Variants in WNT7A observed in about 807,000 individuals in gnomAD.
The protein encoded by WNT7A is protein Wnt-7a.
A neutral mutation model predicts 28.2 loss-of-function variants in WNT7A; 16 were observed. The ratio of observed to expected loss-of-function variants is 0.57; its 90% CI spans 0.38 to 0.86. WNT7A has a LOEUF of 0.86. WNT7A is among the 40% of genes least tolerant of loss of function. WNT7A has a pLI of 0.00. For missense variants in WNT7A, 411 were observed against 489.7 expected (o/e 0.84, Z 1.52); for synonymous variants, 190 against 195.9 (o/e 0.97, Z 0.25).
rs539106418 is a variant in WNT7A at position 13,875,138 on chromosome 3, A to C, written c.107T>G (p.Ile36Ser). The change falls in exon 2 of 4, where the codon ATC (isoleucine) becomes AGC (serine). Residue 36 changes from isoleucine (I) to serine (S), a missense_variant. Transcript: ENST00000285018. ...FSSVVALGAS[I>S]ICNKIPGLAP... ...CAGGCCTGGGATCTTGTTACAGATG[A>C]TGCTTGCGCCCAGAGCTACCACTGA... 6.2e-7 allele frequency: 1 copy of C among 1,614,144 alleles called. No homozygotes were observed. Among genetic ancestry groups the C allele is most frequent in the African/African-American group, 1.3e-5 (1 of 75,040 alleles).
chr3:13,836,475 C>G (rs974637166), intron 3 of WNT7A, among the ~76,000 whole-genome samples: 3 of 152,218 alleles, frequency 2.0e-5, no homozygotes, highest in Non-Finnish European at 2.9e-5. Context: ...CAGGTGTGGC[C>G]AGGTGTCTGC....
intron 1 of WNT7A, among the ~76,000 whole-genome samples, chr3:13,876,441 G>A (rs551718176): frequency 2.4e-4 from 36 of 152,330 alleles, no homozygotes; most frequent in African/African-American, 7.9e-4. Context: ...GGAAAGACCT[G>A]TGGGGTGCCA....
intron 3 of WNT7A, among the ~76,000 whole-genome samples, chr3:13,846,014 C>G (rs1315779268): frequency 6.6e-6 from 1 of 152,236 alleles, no homozygotes; most frequent in African/African-American, 2.4e-5. Context: ...ACCCCCATGA[C>G]AGCCTGGGGC....
At chr3:13,877,457 T>C (rs1001562496) in intron 1 of WNT7A, among the ~76,000 whole-genome samples, 3 of 152,262 alleles carry the variant, frequency 2.0e-5, no homozygotes, top group African/African-American at 7.2e-5. Context: ...GCATCATTTG[T>C]CAGGAGGACC....
At chr3:13,822,543 T>G (rs1575058516) in intron 3 of WNT7A, among the ~76,000 whole-genome samples, 1 of 152,286 alleles carries the variant, frequency 6.6e-6, no homozygotes, top group East Asian at 1.9e-4. Flanking sequence ...CATGGGAGAT[T>G]AATGGTTGCA....
At chr3:13,827,668 G>C (rs1694215530) in intron 3 of WNT7A, among the ~76,000 whole-genome samples, 1 of 152,158 alleles carries the variant, frequency 6.6e-6, no homozygotes, top group African/African-American at 2.4e-5. Flanking sequence ...GGGGACATCA[G>C]ACAGCAACCT....
intron 2 of WNT7A, among the ~76,000 whole-genome samples, chr3:13,861,153 C>T (rs1448790470): frequency 6.6e-6 from 1 of 152,214 alleles, no homozygotes; most frequent in Non-Finnish European, 1.5e-5. Context: ...TGACTCCAGG[C>T]CTACATTCTT....
At chr3:13,851,163 C>T (rs1047246366) in intron 3 of WNT7A, among the ~76,000 whole-genome samples, 1 of 152,208 alleles carries the variant, frequency 6.6e-6, no homozygotes, top group East Asian at 1.9e-4. Context: ...ACCGTGGCCA[C>T]AGCCCCTTCA....
At chr3:13,848,758 C>T (rs1694578939) in intron 3 of WNT7A, among the ~76,000 whole-genome samples, 1 of 152,106 alleles carries the variant, frequency 6.6e-6, no homozygotes, top group Non-Finnish European at 1.5e-5. Context: ...GAAATAGAAC[C>T]TTACATTCAC....
At chr3:13,866,159 G>A (rs1458109296) in intron 2 of WNT7A, among the ~76,000 whole-genome samples, 2 of 152,232 alleles carry the variant, frequency 1.3e-5, no homozygotes, top group East Asian at 1.9e-4. Flanking sequence ...TGGTACCTGT[G>A]ATGTCCCTAC....
intron 3 of WNT7A, among the ~76,000 whole-genome samples, chr3:13,831,979 T>G (rs1694285390): frequency 6.6e-6 from 1 of 152,074 alleles, no homozygotes; most frequent in Admixed American, 6.5e-5. Context: ...CAGGCAGCCT[T>G]GGACCCCCAA....
At chr3:13,820,396 C>A (rs546137790) in intron 3 of WNT7A, among the ~76,000 whole-genome samples, 49 of 115,902 alleles carry the variant, frequency 4.2e-4, no homozygotes, top group Non-Finnish European at 7.8e-4. Context: ...TGATTGACTC[C>A]TTTTTACAGA....
At chr3:13,847,752 G>A (rs1694564160) in intron 3 of WNT7A, among the ~76,000 whole-genome samples, 1 of 150,564 alleles carries the variant, frequency 6.6e-6, no homozygotes, top group Non-Finnish European at 1.5e-5. Flanking sequence ...GGCGCCTAGA[G>A]CAGTCAGATT....
At chr3:13,865,617 C>T (rs976396383) in intron 2 of WNT7A, among the ~76,000 whole-genome samples, 6 of 152,176 alleles carry the variant, frequency 3.9e-5, no homozygotes, top group Non-Finnish European at 8.8e-5. Flanking sequence ...ACAGAGAAAA[C>T]GGAGCACCTG....
intron 2 of WNT7A, among the ~76,000 whole-genome samples, chr3:13,874,509 C>G (rs576767299): frequency 6.6e-6 from 1 of 152,210 alleles, no homozygotes; most frequent in East Asian, 1.9e-4. Flanking sequence ...GAATGGGTTG[C>G]CCATTCACTG....
chr3:13,879,695 C>A, intron 1 of WNT7A, 51 bp downstream of exon 1: 1 of 1,585,092 alleles, frequency 6.3e-7, no homozygotes, highest in Non-Finnish European at 8.6e-7. Flanking sequence ...CCTCCCCGGG[C>A]CGTGCCAACT....
At chr3:13,856,874 AGAAGAG>A (rs1236192120) in intron 2 of WNT7A, among the ~76,000 whole-genome samples, 1 of 132,284 alleles carries the variant, frequency 7.6e-6, no homozygotes, top group Non-Finnish European at 1.6e-5. Context: ...AGGAAGAGGA[AGAAGAG>A]GAAGAAGAAG....
At chr3:13,868,494 A>AAGAG (rs1694945918) in intron 2 of WNT7A, among the ~76,000 whole-genome samples, 1 of 148,772 alleles carries the variant, frequency 6.7e-6, no homozygotes, top group African/African-American at 2.5e-5. Context: ...GAACGAAAGA[A>AAGAG]AGAAAGAAAG....
chr3:13,850,166 C>T (rs920909252), intron 3 of WNT7A, among the ~76,000 whole-genome samples: 17 of 152,330 alleles, frequency 1.1e-4, no homozygotes, highest in Admixed American at 9.1e-4. Context: ...ATGGAGGGCA[C>T]GGCAGACTGA....
Sources: gnomAD v4.1 joint callset for allele counts (sites outside exome capture counted in the v4.1 genomes callset) on GRCh38, gnomAD v4.1.1 for gene constraint, MANE v1.5 for transcripts, NCBI Gene and HGNC (gene_info 2026-07-23, HGNC 2026-07-21) for gene names.